The following FBXL3 variants were observed in gnomAD, a reference collection of about 807,000 sequenced individuals.
FBXL3 encodes the protein F-box and leucine rich repeat protein 3.
A neutral mutation model predicts 37.9 loss-of-function variants in FBXL3; 14 were observed. That is an observed-to-expected ratio of 0.37 (90% CI 0.24 to 0.58). FBXL3 has a LOEUF of 0.58. Among genes scored for constraint, FBXL3 ranks in the 20% least tolerant of loss-of-function variants. The pLI, the probability that FBXL3 is intolerant of heterozygous loss-of-function variation, is 0.74. For missense variants in FBXL3, 327 were observed against 511.1 expected (o/e 0.64, Z 3.47); for synonymous variants, 194 against 180.1 (o/e 1.08, Z -0.62).
chr13:77,010,612 A>G (rs1054056615), intron 4 of FBXL3: 2 of 152,212 alleles, frequency 1.3e-5, no homozygotes, highest in Non-Finnish European at 2.9e-5. Context: ...AGAGGGGGCC[A>G]AAAAAGAAAA....
Position 77,007,207 on chromosome 13 carries a change from G to C in FBXL3, c.1225C>G (p.His409Asp), listed in dbSNP as rs1307343175. The C allele has an allele frequency of 1.2e-6, 2 of 1,613,866 alleles. No homozygotes were observed. The highest frequency in any genetic ancestry group is 1.7e-6 in the Non-Finnish European group (2 of 1,179,994). The change falls in exon 5 of 5, where the codon CAC (histidine) becomes GAC (aspartate). Residue 409 changes from histidine to aspartate, a missense_variant. His to Asp is a moderately conservative substitution (Grantham distance 81). Coordinates refer to ENST00000355619, the MANE Select transcript of FBXL3 (RefSeq NM_012158.4). ...PDQKYSLEQI[H>D]WEVSKHLGRV... Reference sequence around the variant, plus strand: ...CCAAGATGCTTGGACACTTCCCAGTGAATCTGCTCCAAACTATACTTTTGG... The same window carrying C: ...CCAAGATGCTTGGACACTTCCCAGTCAATCTGCTCCAAACTATACTTTTGG...
At chr13:77,010,797 A>G (rs1008085448) in intron 4 of FBXL3, 19 of 152,276 alleles carry the variant, frequency 1.2e-4, no homozygotes, top group Non-Finnish European at 2.2e-4. Context: ...AGCCTTCCTG[A>G]CATTTTCCTC....
intron 1 of FBXL3, among the ~76,000 whole-genome samples, chr13:77,025,847 T>C (rs2154038139): frequency 6.6e-6 from 1 of 152,318 alleles, no homozygotes. Context: ...AAAAAGCCTA[T>C]TTTGGCATCA....
In FBXL3 at chr13:77,006,079, T is replaced by TA. The variant is rs2034447550; in HGVS notation, c.*1065dup. ...TTACTGAAAAATATGATTATGAACT[T>TA]AAATATGTCCTCTTTAAAATTTGCT... is the stretch of plus-strand genomic sequence containing the variant. On this transcript the variant is annotated 3_prime_UTR_variant, in exon 5 of 5. Transcript: ENST00000355619. The TA allele has an allele frequency of 6.6e-6, 1 of 152,594 alleles. No homozygotes were observed. Among genetic ancestry groups the TA allele is most frequent in the Non-Finnish European group, 1.5e-5 (1 of 67,978 alleles). 9.5% of individuals were successfully genotyped at this position (152,594 alleles called of 1,614,324 possible).
rs199568005 is a variant in FBXL3, at chr13:77,023,345, A to AGAGTGTGTGT, written c.-1-1485_-1-1484insACACACACTC. 6.1e-3 allele frequency among the ~76,000 whole-genome samples: 897 copies of AGAGTGTGTGT among 147,584 alleles called. 6 individuals are homozygous for AGAGTGTGTGT. The highest frequency in any genetic ancestry group is 0.02 in the African/African-American group (807 of 40,214). ...TTTGCTTTAAAATGGAGAGAGAGAGAGTGTGTGTGTGTGTGTGTGTGTGTG... is the reference window on the plus strand; with the variant it reads ...TTTGCTTTAAAATGGAGAGAGAGAGAGAGTGTGTGTGTGTGTGTGTGTGTGTGTGTGTGTG... On this transcript the variant is annotated intron_variant, in intron 1 of 4. Transcript: ENST00000355619.
intron 1 of FBXL3, among the ~76,000 whole-genome samples, chr13:77,025,713 C>G (rs1312584770): frequency 1.2e-5 from 1 of 80,072 alleles, no homozygotes; most frequent in Admixed American, 1.4e-4. Flanking sequence ...AAAAAAAAAA[C>G]TTTGAAAGAA....
intron 3 of FBXL3, 139 bp from the exon 4 acceptor site, chr13:77,015,719 A>C: frequency 4.1e-6 from 2 of 489,334 alleles, no homozygotes; most frequent in South Asian, 5.6e-5. Context: ...GCATCCCTTC[A>C]CTCTGTTGTT....
intron 1 of FBXL3, among the ~76,000 whole-genome samples, chr13:77,022,461 C>A (rs1049154810): frequency 1.3e-5 from 2 of 152,132 alleles, no homozygotes; most frequent in Non-Finnish European, 2.9e-5. Context: ...GAGTGAGAAT[C>A]TTATTGTGAA....
chr13:77,021,471 T>C, intron 2 of FBXL3, 42 bp downstream of exon 2: 1 of 1,469,654 alleles, frequency 6.8e-7, no homozygotes, highest in East Asian at 2.3e-5. Flanking sequence ...ACAAAGCCAC[T>C]AAAAATACTT....
intron 4 of FBXL3, 113 bp from the exon 5 acceptor site, chr13:77,007,901 A>G (rs2034481420): frequency 2.6e-6 from 2 of 779,738 alleles, no homozygotes; most frequent in Admixed American, 6.2e-5. Context: ...CCACAAAACT[A>G]TATAATTTAA....
At chr13:77,010,736 T>C (rs1314608379) in intron 4 of FBXL3, 3 of 152,252 alleles carry the variant, frequency 2.0e-5, no homozygotes, top group Admixed American at 6.5e-5. Context: ...AGCCAATAAC[T>C]TGAATGAGCG....
At chr13:77,026,507 G>T in intron 1 of FBXL3, 1 of 468,480 alleles carries the variant, frequency 2.1e-6, no homozygotes, top group Non-Finnish European at 2.8e-6. Flanking sequence ...CCCCGCCAAG[G>T]GTCATAAAGC....
intron 4 of FBXL3, chr13:77,013,534 C>G (rs2034590969): frequency 1.3e-5 from 2 of 152,330 alleles, no homozygotes; most frequent in African/African-American, 4.8e-5. Context: ...ACCATCCAGA[C>G]TGGTAATCTG....
intron 1 of FBXL3, among the ~76,000 whole-genome samples, chr13:77,022,581 C>G (rs1000965625): frequency 6.6e-6 from 1 of 152,220 alleles, no homozygotes; most frequent in Admixed American, 6.5e-5. Flanking sequence ...CGGACAGGCA[C>G]TGGGCTATGC....
intron 1 of FBXL3, among the ~76,000 whole-genome samples, chr13:77,023,378 GAGAC>G (rs1235060637): frequency 6.6e-6 from 1 of 152,132 alleles, no homozygotes. Flanking sequence ...GTGTGTCAGA[GAGAC>G]AGGGCAAGTG....
chr13:77,018,310 C>CT (rs2034679859), intron 3 of FBXL3: 1 of 191,848 alleles, frequency 5.2e-6, no homozygotes, highest in East Asian at 1.2e-4. Context: ...CTATGTGTCC[C>CT]TTTTTTTCTA....
chr13:77,025,160 G>C (rs2034814079), intron 1 of FBXL3, among the ~76,000 whole-genome samples: 1 of 152,126 alleles, frequency 6.6e-6, no homozygotes, highest in Non-Finnish European at 1.5e-5. Flanking sequence ...TCCTATATTT[G>C]AAAAGAAGTG....
chr13:77,015,638 G>A (rs1281879812), intron 3 of FBXL3, 58 bp from the exon 4 acceptor site: 2 of 1,221,814 alleles, frequency 1.6e-6, no homozygotes, highest in East Asian at 5.6e-5. Context: ...TGAGAATCAA[G>A]GGGTTTCCTA....
In FBXL3 at chr13:77,006,974, T is replaced by C; in HGVS notation, c.*171A>G. On this transcript the variant is annotated 3_prime_UTR_variant, in exon 5 of 5. Coordinates refer to ENST00000355619, the MANE Select transcript of FBXL3 (RefSeq NM_012158.4). ...TACACTAAGGAAACAAGTGGAATTTTCTGACCAAAACTCATTCATGGGTCT... is the reference window on the plus strand; with the variant it reads ...TACACTAAGGAAACAAGTGGAATTTCCTGACCAAAACTCATTCATGGGTCT... The C allele has an allele frequency of 7.1e-7, 1 of 1,408,564 alleles. No homozygotes were observed. Among genetic ancestry groups the C allele is most frequent in the Non-Finnish European group, 9.2e-7 (1 of 1,086,130 alleles). 87.3% of individuals were successfully genotyped at this position (1,408,564 alleles called of 1,614,324 possible).
Sources: allele counts gnomAD v4.1 joint callset (sites outside exome capture counted in the v4.1 genomes callset), GRCh38; gene constraint gnomAD v4.1.1; transcripts MANE v1.5; gene names NCBI Gene and HGNC (gene_info 2026-07-23, HGNC 2026-07-21).